The following FER1L6 variants were observed in gnomAD, a reference collection of about 807,000 sequenced individuals.
The protein encoded by FER1L6 is fer-1 like family member 6.
In FER1L6, 177 loss-of-function variants were observed where a neutral mutation model predicts 219.2. That is an observed-to-expected ratio of 0.81 (90% CI 0.71 to 0.91). FER1L6 has a LOEUF of 0.91. Ranked by LOEUF, FER1L6 falls within the 40% of genes least tolerant of loss-of-function variation. The pLI, the probability that FER1L6 is intolerant of heterozygous loss-of-function variation, is 0.00. For synonymous variants in FER1L6, 768 were observed against 824.3 expected, an observed-to-expected ratio of 0.93 and a Z score of 1.17; for missense variants, 2,153 against 2,259.9, an observed-to-expected ratio of 0.95 and a Z score of 0.96.
chr8:123,910,234 G>T (rs143849276), intron 1 of FER1L6, among the ~76,000 whole-genome samples: 219 of 152,324 alleles, frequency 1.4e-3, no homozygotes, highest in African/African-American at 5.1e-3. Context: ...TATTCAAACA[G>T]TAATGATGAT....
intron 39 of FER1L6, among the ~76,000 whole-genome samples, chr8:124,103,855 C>T (rs1242466611): frequency 6.6e-6 from 1 of 152,200 alleles, no homozygotes; most frequent in Admixed American, 6.5e-5. Context: ...GCAGGGATGA[C>T]TTAGCGAGGT....
At chr8:124,080,718 C>T (rs925145730) in intron 32 of FER1L6, among the ~76,000 whole-genome samples, 3 of 152,182 alleles carry the variant, frequency 2.0e-5, no homozygotes, top group Admixed American at 6.5e-5. Context: ...ATTAAGTCTT[C>T]TGTCATGGTT....
rs994690186 is a variant in FER1L6, at chr8:123,974,659, C to CAAAAAAAAAAAAA, written c.527-480_527-468dup. 3.8e-3 allele frequency among the ~76,000 whole-genome samples: 180 copies of CAAAAAAAAAAAAA among 47,764 alleles called. 7 individuals carry two copies. The highest frequency in any genetic ancestry group is 5.4e-3 in the Non-Finnish European group (120 of 22,388). The allele number at this position is 47,764 out of a possible 152,430, so 31.3% of individuals were successfully genotyped here. A position where few individuals can be genotyped will look rare whatever the true frequency, so the allele number is the denominator to read the frequency against. ...CAGGCATCACAGCGAGACTCTGTCT[C>CAAAAAAAAAAAAA]AAAAAAAAAAAAAAAAAAAAAAAGA... On this transcript the variant is annotated intron_variant, in intron 7 of 40. Transcript: ENST00000522917.
intron 37 of FER1L6, among the ~76,000 whole-genome samples, chr8:124,099,772 C>T (rs1822474419): frequency 6.6e-6 from 1 of 152,062 alleles, no homozygotes; most frequent in Non-Finnish European, 1.5e-5. Context: ...AATAACTAGC[C>T]CCTGCCTCTC....
rs184801650 is a variant in FER1L6 at position 124,111,825 on chromosome 8, T to G, written c.5290-7019T>G. ...ATCAGGAAGGTCTTTATGACCTGTATCTTGTGCTGACCTCCAATCTCATAC... is the reference window on the plus strand; with the variant it reads ...ATCAGGAAGGTCTTTATGACCTGTAGCTTGTGCTGACCTCCAATCTCATAC... On this transcript the variant is annotated intron_variant, in intron 39 of 40. Coordinates refer to ENST00000522917, the MANE Select transcript of FER1L6 (RefSeq NM_001039112.2). This position sits in a 1 kb window ranked among gnomAD's most constrained non-coding sequence, Gnocchi z 5.0. Among the ~76,000 whole-genome samples, 276 of 152,234 alleles carry G rather than the reference T, an allele frequency of 1.8e-3. 1 individual carries two copies. Among genetic ancestry groups the G allele is most frequent in the Non-Finnish European group, 3.2e-3 (217 of 68,020 alleles).
chr8:123,945,625 G>T (rs1302138411), intron 1 of FER1L6, among the ~76,000 whole-genome samples: 3 of 152,196 alleles, frequency 2.0e-5, no homozygotes, highest in African/African-American at 7.2e-5. Flanking sequence ...GAAGCTCTTT[G>T]TGAGCAATTG....
chr8:124,023,017 G>A (rs1818526542), intron 17 of FER1L6, among the ~76,000 whole-genome samples: 1 of 152,132 alleles, frequency 6.6e-6, no homozygotes, highest in South Asian at 2.1e-4. Context: ...CTGGGTTCAA[G>A]CGATTCTTCT....
intron 1 of FER1L6, among the ~76,000 whole-genome samples, chr8:123,921,015 A>G (rs1467266711): frequency 6.6e-5 from 10 of 152,190 alleles, no homozygotes; most frequent in Admixed American, 6.5e-4. Flanking sequence ...ATGTTGTGGC[A>G]TGTGACAAGA....
chr8:124,042,850 G>A (rs2130743336), intron 20 of FER1L6, among the ~76,000 whole-genome samples: 1 of 152,314 alleles, frequency 6.6e-6, no homozygotes, highest in South Asian at 2.1e-4. Context: ...GGGGAATCCA[G>A]TCATTCCCAA....
At chr8:124,089,152 T>C (rs1821911754) in intron 33 of FER1L6, among the ~76,000 whole-genome samples, 1 of 152,324 alleles carries the variant, frequency 6.6e-6, no homozygotes, top group South Asian at 2.1e-4. Flanking sequence ...GTGGCGGAGC[T>C]TGCTGAAACT....
chr8:124,041,173 C>T (rs1319805213), intron 20 of FER1L6, among the ~76,000 whole-genome samples: 1 of 152,172 alleles, frequency 6.6e-6, no homozygotes, highest in Non-Finnish European at 1.5e-5. Flanking sequence ...GGTTAGCACA[C>T]ACAGTGCCCT....
chr8:124,102,158 G>C (rs1822574420), intron 38 of FER1L6, among the ~76,000 whole-genome samples: 1 of 152,182 alleles, frequency 6.6e-6, no homozygotes, highest in Non-Finnish European at 1.5e-5. Flanking sequence ...TAACAGTAAT[G>C]AGGCATATCT....
chr8:123,977,519 G>A lies in FER1L6; in HGVS notation c.973G>A (p.Val325Met). Reference sequence around the variant, plus strand: ...CTTGTGTCGGAGGGTGAAAATCCAGGTGTGGGATGAAGGCAGCATGAATGA... The same window carrying A: ...CTTGTGTCGGAGGGTGAAAATCCAGATGTGGGATGAAGGCAGCATGAATGA... ...PPLCRRVKIQVWDEGSMNDVA... is the reference protein window; with the variant it reads ...PPLCRRVKIQMWDEGSMNDVA... Residue 325 changes from valine to methionine, a missense_variant, in exon 10 of 41, where the codon GTG (valine) becomes ATG (methionine). By Grantham distance (21) the Val-to-Met change is conservative. Transcript: ENST00000522917. 6.2e-7 allele frequency: 1 copy of A among 1,614,108 alleles called. No individual in the cohort carries two copies.
rs944090597 is a variant in FER1L6, at chr8:123,888,591, C to T, written c.-8+36406C>T. On this transcript the variant is annotated intron_variant, in intron 1 of 40. Transcript: ENST00000522917. ...ATCTTCTTCTCTGGTACTGTTTGGC[C>T]CCAGTATTCTTTGGAGATTGGGGAG... Among the ~76,000 whole-genome samples the T allele has an allele frequency of 2.6e-5, 4 of 152,024 alleles. No individual in the cohort carries two copies. The South Asian group carries it at 8.3e-4, about 32-fold the overall frequency.
At chr8:124,055,227 C>T (rs978349033) in intron 22 of FER1L6, among the ~76,000 whole-genome samples, 10 of 152,080 alleles carry the variant, frequency 6.6e-5, no homozygotes, top group African/African-American at 2.4e-4. Flanking sequence ...TCGTTTGAGT[C>T]CAGGAGTTTA....
chr8:123,984,573 A>G (rs1228477114), intron 11 of FER1L6: 1 of 152,084 alleles, frequency 6.6e-6, no homozygotes, highest in Non-Finnish European at 1.5e-5. Flanking sequence ...CTAGAGAGTA[A>G]ACTCAGCCTC....
intron 12 of FER1L6, among the ~76,000 whole-genome samples, chr8:123,991,745 A>C (rs546484585): frequency 6.6e-6 from 1 of 152,260 alleles, no homozygotes; most frequent in East Asian, 1.9e-4. Flanking sequence ...AGAAGTGGTG[A>C]AAGTGGGCTT....
intron 26 of FER1L6, among the ~76,000 whole-genome samples, chr8:124,065,762 C>T (rs529838211): frequency 6.6e-5 from 10 of 152,292 alleles, no homozygotes; most frequent in Non-Finnish European, 1.0e-4. Context: ...GATGACTTGG[C>T]GAGTGAATGG....
At chr8:123,988,091 C>CA (rs1158569277) in intron 12 of FER1L6, among the ~76,000 whole-genome samples, 3 of 146,986 alleles carry the variant, frequency 2.0e-5, no homozygotes, top group East Asian at 4.0e-4. Flanking sequence ...GAGCGCAACT[C>CA]AAAAAAACCA....
Sources: allele counts gnomAD v4.1 joint callset (sites outside exome capture counted in the v4.1 genomes callset), GRCh38; gene constraint gnomAD v4.1.1; non-coding constraint Gnocchi (gnomAD v3.1); transcripts MANE v1.5; gene names NCBI Gene and HGNC (gene_info 2026-07-23, HGNC 2026-07-21).